Variants in H3-7 observed in about 807,000 individuals in gnomAD.
The protein encoded by H3-7 is histone H3-7.
chr1:143,905,883 C>T, the H3-7 span: 5 of 1,580,238 alleles, frequency 3.2e-6, no homozygotes, highest in Middle Eastern at 1.7e-4. Flanking sequence ...CCGGCGCGCT[C>T]TTGCGGGCCG....
the H3-7 span, chr1:143,904,358 C>T: frequency 5.7e-6 from 9 of 1,582,590 alleles, 1 homozygote; most frequent in African/African-American, 6.7e-5. Context: ...TGTTGTAGTG[C>T]GCCAGGCGGG....
the H3-7 span, chr1:143,905,370 T>G: frequency 1.8e-6 from 1 of 565,242 alleles, no homozygotes; most frequent in Non-Finnish European, 3.2e-6. Context: ...TCTGCGGCTT[T>G]CTCTACTGCC....
At chr1:143,905,521 A>G in the H3-7 span, 1 of 1,454,878 alleles carries the variant, frequency 6.9e-7, no homozygotes, top group Admixed American at 1.8e-5. Context: ...GTGGCTCTGA[A>G]AAGAGCCTTT....
the H3-7 span, chr1:143,904,447 T>C: frequency 6.3e-7 from 1 of 1,587,596 alleles, no homozygotes; most frequent in African/African-American, 1.3e-5. Flanking sequence ...GAGATGCCGG[T>C]GTCGGGGTGG....
chr1:143,904,599 G>C, the H3-7 span: 5 of 1,586,572 alleles, frequency 3.2e-6, no homozygotes, highest in African/African-American at 1.3e-5. Flanking sequence ...CGCTGGATCC[G>C]GCATTTTTGC....
the H3-7 span, chr1:143,904,481 G>C: frequency 6.2e-6 from 10 of 1,600,570 alleles, no homozygotes; most frequent in Admixed American, 1.7e-5. Context: ...CCTCCTACAC[G>C]TAAACGGAGT....
chr1:143,904,012 G>A, the H3-7 span, among the ~76,000 whole-genome samples: 17 of 145,330 alleles, frequency 1.2e-4, 1 homozygote, highest in Non-Finnish European at 2.3e-4. Context: ...AGACTAGACG[G>A]GGATGACTGA....
At chr1:143,904,509 C>T in the H3-7 span, 9 of 1,605,294 alleles carry the variant, frequency 5.6e-6, 1 homozygote, top group Admixed American at 1.7e-5. Context: ...CTTGCGGCTG[C>T]GCTTGCGCTT....
the H3-7 span, chr1:143,905,818 C>G: frequency 8.8e-6 from 14 of 1,582,346 alleles, 1 homozygote; most frequent in Non-Finnish European, 1.1e-5. Context: ...CCGGATCTCC[C>G]GCAGAGCCAC....
the H3-7 span, chr1:143,904,345 G>T: frequency 1.3e-6 from 2 of 1,582,694 alleles, no homozygotes; most frequent in South Asian, 1.1e-5. Context: ...ATGGTGGAGC[G>T]CTTGTTGTAG....
the H3-7 span, chr1:143,904,622 A>G: frequency 1.5e-5 from 24 of 1,581,434 alleles, no homozygotes; most frequent in Non-Finnish European, 2.1e-5. Context: ...GAAAAAAGAG[A>G]ACAGAGACTT....
the H3-7 span, chr1:143,904,476 T>C: frequency 1.3e-6 from 2 of 1,598,570 alleles, no homozygotes; most frequent in South Asian, 1.1e-5. Context: ...CAGCACCTCC[T>C]ACACGTAAAC....
the H3-7 span, chr1:143,905,535 T>C: frequency 6.7e-4 from 1,031 of 1,528,390 alleles, 150 homozygotes; most frequent in South Asian, 0.011. Context: ...AGCCTTTAGA[T>C]CGACCACTTA....
the H3-7 span, chr1:143,905,717 G>T: frequency 3.8e-6 from 6 of 1,582,358 alleles, 1 homozygote; most frequent in African/African-American, 1.3e-5. Flanking sequence ...CTCTGGAAGC[G>T]CAGGTCCGTC....
chr1:143,905,539 C>G, the H3-7 span: 4 of 1,539,196 alleles, frequency 2.6e-6, 1 homozygote, highest in South Asian at 1.2e-5. Context: ...TTTAGATCGA[C>G]CACTTAAAAA....
At chr1:143,905,805 G>T in the H3-7 span, 22 of 1,582,220 alleles carry the variant, frequency 1.4e-5, 6 homozygotes, top group Non-Finnish European at 1.9e-5. Context: ...ACTTCTGATA[G>T]CGCCGGATCT....
the H3-7 span, chr1:143,905,774 T>C: frequency 2.8e-5 from 45 of 1,581,988 alleles, 4 homozygotes; most frequent in African/African-American, 3.5e-4. Context: ...AAGGGCAGCT[T>C]GCGGATCAGC....
the H3-7 span, chr1:143,904,644 C>G: frequency 6.4e-7 from 1 of 1,572,124 alleles, no homozygotes. Context: ...AAGAAGTAAT[C>G]CGAACTACCG....
At chr1:143,904,390 C>G in the H3-7 span, 2 of 1,582,848 alleles carry the variant, frequency 1.3e-6, no homozygotes, top group African/African-American at 1.3e-5. Flanking sequence ...GCGATGCGCT[C>G]GAAGATGTCG....
Sources: gnomAD v4.1 joint callset for allele counts (sites outside exome capture counted in the v4.1 genomes callset) on GRCh38, gnomAD v4.1.1 for gene constraint, MANE v1.5 for transcripts, NCBI Gene and HGNC (gene_info 2026-07-23, HGNC 2026-07-21) for gene names.